The following NEO1 variants were observed in gnomAD, a reference collection of about 807,000 sequenced individuals.
NEO1 encodes neogenin 1, also known as neogenin.
In NEO1, 63 loss-of-function variants were observed where a neutral mutation model predicts 159.7. The observed-to-expected ratio is 0.39, with a 90% CI of 0.32 to 0.49. NEO1 has a LOEUF of 0.49. NEO1 is among the 20% of genes least tolerant of loss of function. The pLI is 0.85. For missense variants in NEO1, 1,615 were observed against 1,831.0 expected (o/e 0.88, Z 2.15); for synonymous variants, 633 against 662.0 (o/e 0.96, Z 0.67).
intron 18 of NEO1, among the ~76,000 whole-genome samples, chr15:73,271,964 G>C (rs529885867): frequency 6.7e-6 from 1 of 150,218 alleles, no homozygotes; most frequent in South Asian, 2.1e-4. Flanking sequence ...ATAAATGAGA[G>C]AGAAAACTGT....
intron 1 of NEO1, among the ~76,000 whole-genome samples, chr15:73,059,646 G>A (rs1038550141): frequency 6.6e-6 from 1 of 152,186 alleles, no homozygotes; most frequent in East Asian, 1.9e-4. Flanking sequence ...CATTACTGCT[G>A]TAGGTAGAAA....
intron 2 of NEO1, among the ~76,000 whole-genome samples, chr15:73,122,082 T>TATAC (rs1267165684): frequency 8.8e-6 from 1 of 114,220 alleles, no homozygotes; most frequent in East Asian, 2.1e-4. Context: ...TATATATATA[T>TATAC]ATATATATAT....
At position 73,274,543 on chromosome 15, in the gene NEO1, A is replaced by T. The variant is rs926272368; in HGVS notation, c.3161-149A>T. On this transcript the variant is annotated intron_variant, in intron 20 of 28. Coordinates refer to ENST00000261908, the MANE Select transcript of NEO1 (RefSeq NM_002499.4). ...AATTATGGAAGCCCTGTATGAATTT[A>T]ATTTCTGTTAGTACTAAAGTCAAGT... is the stretch of plus-strand genomic sequence containing the variant. The T allele has an allele frequency of 1.8e-5, 13 of 712,550 alleles. No homozygotes were observed. In the African/African-American group the frequency reaches 2.3e-4, roughly 13 times the overall value. 44.1% of individuals were successfully genotyped at this position (712,550 alleles called of 1,614,324 possible). A position where few individuals can be genotyped will look rare whatever the true frequency, so the allele number is the denominator to read the frequency against.
At chr15:73,251,666 G>A (rs749411631) in intron 11 of NEO1, among the ~76,000 whole-genome samples, 9 of 152,180 alleles carry the variant, frequency 5.9e-5, no homozygotes, top group Admixed American at 6.5e-5. Flanking sequence ...ATCTACACAC[G>A]AGCCAAATTT....
intron 7 of NEO1, among the ~76,000 whole-genome samples, chr15:73,208,895 A>C (rs2152079762): frequency 6.6e-6 from 1 of 152,232 alleles, no homozygotes; most frequent in South Asian, 2.1e-4. Context: ...AAATAAAAAC[A>C]AAAAACCTTA....
chr15:73,147,771 A>G (rs771805421), intron 5 of NEO1, among the ~76,000 whole-genome samples: 61 of 150,860 alleles, frequency 4.0e-4, no homozygotes, highest in Admixed American at 7.9e-4. Flanking sequence ...CTTTTCTTGG[A>G]TATATATTCT....
chr15:73,146,434 CTT>C (rs906730553), intron 5 of NEO1, among the ~76,000 whole-genome samples: 2 of 152,066 alleles, frequency 1.3e-5, no homozygotes, highest in African/African-American at 4.8e-5. Context: ...ACTTTATAAA[CTT>C]TATATTTTTA....
At chr15:73,263,190 C>CTTTTT (rs33959030) in intron 15 of NEO1, among the ~76,000 whole-genome samples, 2 of 124,180 alleles carry the variant, frequency 1.6e-5, no homozygotes, top group African/African-American at 5.9e-5. Flanking sequence ...TCATAGTTGA[C>CTTTTT]TTTTTTTTTT....
At chr15:73,272,874 C>T (rs759156525) in intron 19 of NEO1, among the ~76,000 whole-genome samples, 52 of 151,264 alleles carry the variant, frequency 3.4e-4, no homozygotes, top group Non-Finnish European at 3.8e-4. Flanking sequence ...TCTGTCTCCG[C>T]CTAGATGGAC....
At chr15:73,202,950 G>A (rs1234728552) in intron 7 of NEO1, among the ~76,000 whole-genome samples, 2 of 152,084 alleles carry the variant, frequency 1.3e-5, no homozygotes, top group East Asian at 1.9e-4. Flanking sequence ...ACATATGTTA[G>A]CATTTCCTTC....
At chr15:73,053,305 C>T (rs189566965) in intron 1 of NEO1, among the ~76,000 whole-genome samples, 168 of 152,282 alleles carry the variant, frequency 1.1e-3, no homozygotes, top group Admixed American at 9.2e-3. Flanking sequence ...CGAGGGACTC[C>T]TCGCGCGGGG....
chr15:73,197,536 A>G (rs1353758387), intron 7 of NEO1, among the ~76,000 whole-genome samples: 1 of 152,184 alleles, frequency 6.6e-6, no homozygotes, highest in Admixed American at 6.5e-5. Flanking sequence ...TATGAGATAC[A>G]ACCTGATTGC....
chr15:73,168,662 C>A (rs2034750809), intron 5 of NEO1, among the ~76,000 whole-genome samples: 3 of 152,070 alleles, frequency 2.0e-5, no homozygotes, highest in African/African-American at 7.2e-5. Context: ...TTCAAACTTA[C>A]ATCATAAGTT....
chr15:73,167,517 G>T (rs1273965657), intron 5 of NEO1, among the ~76,000 whole-genome samples: 1 of 152,072 alleles, frequency 6.6e-6, no homozygotes, highest in Non-Finnish European at 1.5e-5. Context: ...CTCCATCTGA[G>T]GTCCATGTTC....
At chr15:73,272,183 T>C (rs189171924) in intron 18 of NEO1, among the ~76,000 whole-genome samples, 7 of 152,306 alleles carry the variant, frequency 4.6e-5, no homozygotes, top group Non-Finnish European at 8.8e-5. Flanking sequence ...CAAATGCCAC[T>C]TGACTTTCCT....
intron 1 of NEO1, among the ~76,000 whole-genome samples, chr15:73,115,988 CT>C (rs1290960269): frequency 6.6e-6 from 1 of 151,954 alleles, no homozygotes; most frequent in Non-Finnish European, 1.5e-5. Context: ...AAAATTTATT[CT>C]TATAACAAAT....
In NEO1 at chr15:73,302,549, C is replaced by T; in HGVS notation, c.4303-64C>T. ...GACCACATGAGGCTTTGGCCTCTCT[C>T]TGGGCTCTCCTTTCTGAGCTGCTCC... On this transcript the variant is annotated intron_variant, in intron 28 of 28. Transcript: ENST00000261908. 2.0e-6 allele frequency: 3 copies of T among 1,489,272 alleles called. No individual in the cohort carries two copies. The Admixed American group carries it at 5.5e-5, about 27-fold the overall frequency. 92.3% of individuals were successfully genotyped at this position (1,489,272 alleles called of 1,614,324 possible).
At chr15:73,197,929 C>T (rs951197394) in intron 7 of NEO1, among the ~76,000 whole-genome samples, 2 of 152,116 alleles carry the variant, frequency 1.3e-5, no homozygotes, top group Non-Finnish European at 2.9e-5. Flanking sequence ...GACCCACCTG[C>T]CTCAGCCTCC....
At chr15:73,258,132 T>C (rs1165220960) in intron 13 of NEO1, among the ~76,000 whole-genome samples, 1 of 152,224 alleles carries the variant, frequency 6.6e-6, no homozygotes, top group Non-Finnish European at 1.5e-5. Context: ...GTTTGATACA[T>C]TGGTAAGTCA....
Sources: gnomAD v4.1 joint callset for allele counts (sites outside exome capture counted in the v4.1 genomes callset) on GRCh38, gnomAD v4.1.1 for gene constraint, MANE v1.5 for transcripts, NCBI Gene and HGNC (gene_info 2026-07-23, HGNC 2026-07-21) for gene names.